ITPK1: variants seen among roughly 807,000 people sequenced by gnomAD.
ITPK1 encodes inositol 1,3,4-trisphosphate 5/6-kinase.
A neutral mutation model predicts 45.3 loss-of-function variants in ITPK1; 21 were observed. The ratio of observed to expected loss-of-function variants is 0.46; its 90% confidence interval spans 0.33 to 0.67. The LOEUF is 0.67. ITPK1 is among the 30% of genes least tolerant of loss of function. The pLI, the probability that ITPK1 is intolerant of heterozygous loss-of-function variation, is 0.02. For synonymous variants in ITPK1, 258 were observed against 253.6 expected, an observed-to-expected ratio of 1.02 and a Z score of -0.16; for missense variants, 474 against 573.5, an observed-to-expected ratio of 0.83 and a Z score of 1.77.
intron 3 of ITPK1, among the ~76,000 whole-genome samples, chr14:93,060,710 G>A (rs542509314): frequency 6.6e-6 from 1 of 152,318 alleles, no homozygotes; most frequent in South Asian, 2.1e-4. Flanking sequence ...GGATGGAAGA[G>A]TCAGAGTAGA....
At chr14:92,994,587 T>A (rs1257220916) in intron 4 of ITPK1, among the ~76,000 whole-genome samples, 1 of 152,076 alleles carries the variant, frequency 6.6e-6, no homozygotes, top group Admixed American at 6.5e-5. Context: ...CTAACTTACA[T>A]GGGGGGAAGA....
intron 8 of ITPK1, 81 bp from the exon 9 acceptor site, chr14:92,952,094 C>T: frequency 8.8e-7 from 1 of 1,138,728 alleles, no homozygotes; most frequent in Non-Finnish European, 1.3e-6. Context: ...CAGGGGGCAG[C>T]ATCACCCCAG....
At chr14:93,100,845 A>G (rs1231556047) in intron 2 of ITPK1, among the ~76,000 whole-genome samples, 2 of 152,202 alleles carry the variant, frequency 1.3e-5, no homozygotes, top group Non-Finnish European at 2.9e-5. Flanking sequence ...TGGAGCACAC[A>G]GCAATGGAAA....
chr14:93,010,203 T>G (rs540698130), intron 4 of ITPK1, among the ~76,000 whole-genome samples: 68 of 152,328 alleles, frequency 4.5e-4, no homozygotes, highest in African/African-American at 1.4e-3. Flanking sequence ...CCCACTTAGA[T>G]TCTACGGTGT....
chr14:92,948,045 C>T (rs1232973198), intron 9 of ITPK1, among the ~76,000 whole-genome samples: 3 of 152,292 alleles, frequency 2.0e-5, no homozygotes, highest in Non-Finnish European at 4.4e-5. Flanking sequence ...TGCCACAAAG[C>T]GGAGGAACCC....
chr14:93,101,789 G>T (rs1892331714), intron 2 of ITPK1, among the ~76,000 whole-genome samples: 2 of 152,206 alleles, frequency 1.3e-5, no homozygotes, highest in South Asian at 4.1e-4. Context: ...GGTGGAGGTT[G>T]CAGTGACCTG....
At chr14:93,094,961 C>T (rs995865307) in intron 2 of ITPK1, among the ~76,000 whole-genome samples, 2 of 152,242 alleles carry the variant, frequency 1.3e-5, no homozygotes, top group African/African-American at 4.8e-5. Flanking sequence ...TGTCCGTGAG[C>T]GAGCTCCCTG....
At chr14:93,037,292 G>T (rs1179077066) in intron 3 of ITPK1, among the ~76,000 whole-genome samples, 2 of 152,264 alleles carry the variant, frequency 1.3e-5, no homozygotes, top group Admixed American at 1.3e-4. Context: ...GTCAGATCCT[G>T]CCTGCATTTC....
At chr14:93,096,467 C>T (rs2140014781) in intron 2 of ITPK1, among the ~76,000 whole-genome samples, 1 of 152,362 alleles carries the variant, frequency 6.6e-6, no homozygotes, top group Admixed American at 6.5e-5. Flanking sequence ...ATCACTTGGC[C>T]ACATGCACCA....
intron 3 of ITPK1, among the ~76,000 whole-genome samples, chr14:93,075,560 G>A (rs1012150324): frequency 3.3e-5 from 5 of 152,176 alleles, no homozygotes; most frequent in East Asian, 3.9e-4. Context: ...AGCCCCACCC[G>A]TCAACCAGCC....
rs568460540 is a variant in ITPK1 at position 93,050,220 on chromosome 14, C to T, written c.120+26375G>A. ...TTTTAAAGAAAGCCCGGCGGACACA[C>T]GGGTTCTCCTGCTGGTGCTGCCAGC... is the stretch of plus-strand genomic sequence containing the variant. On this transcript the variant is annotated intron_variant, in intron 3 of 10. Coordinates refer to ENST00000267615, the MANE Select transcript of ITPK1 (RefSeq NM_014216.6). Among the ~76,000 whole-genome samples, 11 of 152,282 alleles carry T rather than the reference C, an allele frequency of 7.2e-5. 1 individual carries two copies. In the East Asian group the frequency reaches 7.7e-4, roughly 11 times the overall value.
rs186488750 is a variant in ITPK1 at position 93,090,426 on chromosome 14, T to G, written c.96-13807A>C. Reference sequence around the variant, plus strand: ...GATCGAGACCTGAAGGGCCAGCACATGGTATATTCTCCTGACCTGAATGCC... The same window carrying G: ...GATCGAGACCTGAAGGGCCAGCACAGGGTATATTCTCCTGACCTGAATGCC... On this transcript the variant is annotated intron_variant, in intron 2 of 10. Transcript: ENST00000267615. Among the ~76,000 whole-genome samples, 194 of 152,202 alleles carry G rather than the reference T, an allele frequency of 1.3e-3. 1 individual carries two copies. The highest frequency in any genetic ancestry group is 2.1e-3 in the Non-Finnish European group (142 of 68,006).
intron 3 of ITPK1, among the ~76,000 whole-genome samples, chr14:93,054,670 C>T (rs925018666): frequency 6.6e-6 from 1 of 152,174 alleles, no homozygotes; most frequent in African/African-American, 2.4e-5. Flanking sequence ...TCGGAGCCTG[C>T]ATCACTCCTG....
At chr14:92,998,948 T>C (rs1887194925) in intron 4 of ITPK1, 1 of 152,244 alleles carries the variant, frequency 6.6e-6, no homozygotes, top group African/African-American at 2.4e-5. Flanking sequence ...ATAAAAACGC[T>C]ATTGGGTAAA....
At chr14:93,018,206 C>A (rs1327848403) in intron 3 of ITPK1, among the ~76,000 whole-genome samples, 1 of 152,184 alleles carries the variant, frequency 6.6e-6, no homozygotes, top group African/African-American at 2.4e-5. Context: ...CACGCCCCCA[C>A]CCCCTGCCAT....
chr14:93,049,600 G>A (rs1269639217), intron 3 of ITPK1, among the ~76,000 whole-genome samples: 1 of 152,116 alleles, frequency 6.6e-6, no homozygotes, highest in African/African-American at 2.4e-5. Context: ...GATCAGTGGA[G>A]TGACTCAGAT....
At chr14:93,095,697 G>C (rs181547705) in intron 2 of ITPK1, among the ~76,000 whole-genome samples, 1 of 151,810 alleles carries the variant, frequency 6.6e-6, no homozygotes, top group East Asian at 1.9e-4. Flanking sequence ...CATCACCCAG[G>C]TACTGAGCAT....
Position 93,016,829 on chromosome 14 carries a change from C to T in ITPK1, c.121-28G>A, listed in dbSNP as rs1423572984. The T allele has an allele frequency of 1.2e-6, 2 of 1,612,008 alleles. No homozygotes were observed. Among genetic ancestry groups the T allele is most frequent in the East Asian group, 4.5e-5 (2 of 44,856 alleles). On this transcript the variant is annotated intron_variant, in intron 3 of 10. Transcript: ENST00000267615. This position sits in a 1 kb window ranked among gnomAD's most constrained non-coding sequence, Gnocchi z 5.0. Reference sequence around the variant, plus strand: ...GTGAGGCAGGGAACACAGACAAAAGCAACAACTTCAGCACCTGAGTCCACT... The same window carrying T: ...GTGAGGCAGGGAACACAGACAAAAGTAACAACTTCAGCACCTGAGTCCACT...
chr14:92,941,913 G>A lies in ITPK1; in HGVS notation c.902-9C>T, dbSNP rs1356806243. On this transcript the variant is annotated splice_polypyrimidine_tract_variant and intron_variant, in intron 10 of 10. Coordinates refer to ENST00000267615, the MANE Select transcript of ITPK1 (RefSeq NM_014216.6). ...GCTCACGCCCTCGTAGCCTGGGGGTGGGAGAGAGACAGCACAAGGGGCGTG... is the reference window on the plus strand; with the variant it reads ...GCTCACGCCCTCGTAGCCTGGGGGTAGGAGAGAGACAGCACAAGGGGCGTG... The A allele has an allele frequency of 1.2e-6, 2 of 1,609,760 alleles. No homozygotes were observed. Among genetic ancestry groups the A allele is most frequent in the East Asian group, 2.2e-5 (1 of 44,848 alleles).
Sources: allele counts gnomAD v4.1 joint callset (sites outside exome capture counted in the v4.1 genomes callset), GRCh38; gene constraint gnomAD v4.1.1; non-coding constraint Gnocchi (gnomAD v3.1); transcripts MANE v1.5; gene names NCBI Gene and HGNC (gene_info 2026-07-23, HGNC 2026-07-21).